DNAJB6: variants seen among roughly 807,000 people sequenced by gnomAD.
The protein encoded by DNAJB6 is dnaJ homolog subfamily B member 6.
A neutral mutation model predicts 42.7 loss-of-function variants in DNAJB6; 16 were observed. The observed-to-expected ratio is 0.37, with a 90% confidence interval of 0.25 to 0.57. DNAJB6 has a LOEUF of 0.57. Among genes scored for constraint, DNAJB6 ranks in the 20% least tolerant of loss-of-function variants. The pLI is 0.74. For missense variants in DNAJB6, 347 were observed against 416.8 expected, an observed-to-expected ratio of 0.83 and a Z score of 1.46; for synonymous variants, 170 against 163.5, an observed-to-expected ratio of 1.04 and a Z score of -0.30.
At position 157,404,521 on chromosome 7, in the gene DNAJB6, T is replaced by C. The variant is rs576186011; in HGVS notation, c.692-5274T>C. On this transcript the variant is annotated intron_variant, in intron 8 of 9. Transcript: ENST00000262177. ...GGGTCTGTCTTTTTTCTTTTCTTTT[T>C]TTTTTTTGGTAAGGAGTCTCGCTCT... 1.9e-4 allele frequency among the ~76,000 whole-genome samples: 28 copies of C among 147,324 alleles called. 1 individual carries two copies. The South Asian group carries it at 4.5e-3, about 24-fold the overall frequency.
At chr7:157,337,401 C>G (rs1798097628) in intron 1 of DNAJB6, 1 of 152,110 alleles carries the variant, frequency 6.6e-6, no homozygotes. Context: ...GCCCGGCGTC[C>G]TTGCCGGAAC....
chr7:157,365,915 C>T (rs1251476904), intron 3 of DNAJB6, among the ~76,000 whole-genome samples: 2 of 149,072 alleles, frequency 1.3e-5, no homozygotes, highest in South Asian at 2.1e-4. Context: ...CGGCCCTTCT[C>T]GGCCTCTGAA....
rs536386113 is a variant in DNAJB6 at position 157,343,014 on chromosome 7, C to G, written c.-27+5870C>G. On this transcript the variant is annotated intron_variant, in intron 1 of 9. Coordinates refer to ENST00000262177, the MANE Select transcript of DNAJB6 (RefSeq NM_058246.4). ...TGCTTTTTTTTTTTGTTGTTTGAGA[C>G]CAAGTCTCACTCTGTCACTTAGGCT... 5.0e-4 allele frequency among the ~76,000 whole-genome samples: 75 copies of G among 150,092 alleles called. 1 individual carries two copies. Among genetic ancestry groups the G allele is most frequent in the Non-Finnish European group, 7.4e-4 (50 of 67,754 alleles).
At chr7:157,395,099 C>T (rs1042523806) in intron 8 of DNAJB6, among the ~76,000 whole-genome samples, 9 of 127,746 alleles carry the variant, frequency 7.0e-5, no homozygotes, top group East Asian at 4.1e-4. Flanking sequence ...GTGCCCGCCG[C>T]GCCCCCCCAC....
chr7:157,398,153 C>T (rs988474948), intron 8 of DNAJB6, among the ~76,000 whole-genome samples: 1 of 152,198 alleles, frequency 6.6e-6, no homozygotes, highest in Admixed American at 6.5e-5. Context: ...TGCAGACAGA[C>T]AGCACTGCCT....
At chr7:157,376,200 A>G (rs533753762) in intron 5 of DNAJB6, among the ~76,000 whole-genome samples, 23 of 152,252 alleles carry the variant, frequency 1.5e-4, no homozygotes, top group Admixed American at 5.9e-4. Context: ...GTGTTCTTCA[A>G]GTTTGTATGT....
intron 5 of DNAJB6, among the ~76,000 whole-genome samples, chr7:157,376,462 C>G (rs1046006175): frequency 6.6e-6 from 1 of 152,124 alleles, no homozygotes; most frequent in Non-Finnish European, 1.5e-5. Context: ...TGAAAAGAGT[C>G]AAACTGTAAA....
intron 4 of DNAJB6, 39 bp from the exon 5 acceptor site, chr7:157,367,334 C>T: frequency 7.1e-7 from 1 of 1,412,772 alleles, no homozygotes; most frequent in Non-Finnish European, 1.0e-6. Flanking sequence ...TACAAAGCAC[C>T]AAAATTCATA....
rs750223800 is a variant in DNAJB6 at position 157,339,632 on chromosome 7, TGTGTGTGTGTGTGTGA to T, written c.-27+2490_-27+2505del. Among the ~76,000 whole-genome samples, 570 of 118,550 alleles carry T rather than the reference TGTGTGTGTGTGTGTGA, an allele frequency of 4.8e-3. 4 individuals carry two copies. The highest frequency in any genetic ancestry group is 0.014 in the Middle Eastern group (3 of 216). 77.8% of individuals were successfully genotyped at this position (118,550 alleles called of 152,430 possible). ...GTGTGTGTGTGTGTGTGTGTGTGTG[TGTGTGTGTGTGTGTGA>T]GATGGAGTTTAGCTCTTGCCCCTGC... On this transcript the variant is annotated intron_variant, in intron 1 of 9. Transcript: ENST00000262177.
chr7:157,391,428 C>T (rs137981599), intron 8 of DNAJB6, among the ~76,000 whole-genome samples: 62 of 152,334 alleles, frequency 4.1e-4, no homozygotes, highest in African/African-American at 1.5e-3. Flanking sequence ...CGTATCTTTC[C>T]GTGTCCATGG....
Position 157,409,970 on chromosome 7 carries a change from C to T in DNAJB6, c.867C>T (p.Pro289=), listed in dbSNP as rs759621937. 8 of 1,534,964 alleles carry T rather than the reference C, an allele frequency of 5.2e-6. No individual in the cohort carries two copies. Among genetic ancestry groups the T allele is most frequent in the Admixed American group, 2.0e-5 (1 of 51,050 alleles). Residue 289 remains proline, a synonymous_variant, in exon 9 of 10, where the codon CCC becomes CCT. Coordinates refer to ENST00000262177, the MANE Select transcript of DNAJB6 (RefSeq NM_058246.4). ...EEGEQDRPRA[P]GPWDPLASAA... is the part of the protein sequence containing the mutation. ...GCGAGCAGGACCGACCTCGGGCACCCGGGCCCTGGGACCCCCTCGCGTCCG... is the reference window on the plus strand; with the variant it reads ...GCGAGCAGGACCGACCTCGGGCACCTGGGCCCTGGGACCCCCTCGCGTCCG...
At chr7:157,354,629 G>A (rs1048560169) in intron 1 of DNAJB6, among the ~76,000 whole-genome samples, 4 of 152,068 alleles carry the variant, frequency 2.6e-5, no homozygotes, top group Non-Finnish European at 1.5e-5. Context: ...GTGTGCCACC[G>A]TGCCCAGCCA....
At chr7:157,354,570 C>G (rs1396912387) in intron 1 of DNAJB6, among the ~76,000 whole-genome samples, 1 of 152,098 alleles carries the variant, frequency 6.6e-6, no homozygotes, top group Non-Finnish European at 1.5e-5. Flanking sequence ...AACTCCTGGG[C>G]TCAAGGAGTC....
At chr7:157,367,587 G>C (rs1451128044) in intron 5 of DNAJB6, 104 bp downstream of exon 5, 1 of 782,844 alleles carries the variant, frequency 1.3e-6, no homozygotes, top group Non-Finnish European at 2.2e-6. Context: ...TAGGCTGGGC[G>C]CGGTGGCTCA....
At chr7:157,415,584 G>A (rs72505538) in intron 9 of DNAJB6, 2,403 of 187,744 alleles carry the variant, frequency 0.013, 80 homozygotes, top group East Asian at 0.12. Flanking sequence ...GCCCAGGGTG[G>A]GGTTCCGGGA....
intron 1 of DNAJB6, among the ~76,000 whole-genome samples, chr7:157,356,863 A>G (rs191780292): frequency 1.6e-3 from 249 of 152,352 alleles, no homozygotes; most frequent in Admixed American, 3.8e-3. Context: ...CTTTGCTGTC[A>G]TGTATTTGAA....
chr7:157,406,648 C>T (rs1795776897), intron 8 of DNAJB6, among the ~76,000 whole-genome samples: 1 of 152,176 alleles, frequency 6.6e-6, no homozygotes, highest in Admixed American at 6.5e-5. Flanking sequence ...GGAGCCTGCA[C>T]CTTTCTCCCC....
At chr7:157,350,516 C>T (rs533913932) in intron 1 of DNAJB6, among the ~76,000 whole-genome samples, 4 of 152,042 alleles carry the variant, frequency 2.6e-5, no homozygotes, top group South Asian at 2.1e-4. Context: ...TAATGAGTTC[C>T]GGTCACTGGC....
chr7:157,362,228 G>A (rs1418498033), intron 2 of DNAJB6, among the ~76,000 whole-genome samples: 1 of 152,200 alleles, frequency 6.6e-6, no homozygotes, highest in Non-Finnish European at 1.5e-5. Context: ...ATCCTGGCCT[G>A]TTGGGTGGCA....
Sources: gnomAD v4.1 joint callset for allele counts (sites outside exome capture counted in the v4.1 genomes callset) on GRCh38, gnomAD v4.1.1 for gene constraint, MANE v1.5 for transcripts, NCBI Gene and HGNC (gene_info 2026-07-23, HGNC 2026-07-21) for gene names.